Variants in VEPH1 observed in about 807,000 individuals in gnomAD.
VEPH1 encodes the protein ventricular zone-expressed PH domain-containing protein homolog 1.
VEPH1 carries 80 observed loss-of-function variants against 85.2 expected under a neutral mutation model. That is an observed-to-expected ratio of 0.94 (90% confidence interval 0.78 to 1.13). The LOEUF (loss-of-function observed/expected upper bound fraction) is 1.13, where lower values mean the gene tolerates loss of function less well. Ranked by LOEUF, VEPH1 falls within the 50% of genes most tolerant of loss-of-function variation. VEPH1 has a pLI of 0.00. For missense variants in VEPH1, 955 were observed against 980.5 expected, an observed-to-expected ratio of 0.97 and a Z score of 0.35; for synonymous variants, 297 against 348.0, an observed-to-expected ratio of 0.85 and a Z score of 1.63.
At chr3:157,396,448 A>G (rs759837774) in intron 6 of VEPH1, among the ~76,000 whole-genome samples, 6 of 152,200 alleles carry the variant, frequency 3.9e-5, no homozygotes, top group African/African-American at 7.2e-5. Context: ...TCCTTTGTGT[A>G]TATACCCAGT....
At chr3:157,338,837 G>A (rs1723222330) in intron 9 of VEPH1, among the ~76,000 whole-genome samples, 1 of 152,216 alleles carries the variant, frequency 6.6e-6, no homozygotes, top group African/African-American at 2.4e-5. Context: ...TATTAAGTCA[G>A]GTGCTGGGCA....
At chr3:157,312,934 T>TC (rs1206117511) in intron 11 of VEPH1, among the ~76,000 whole-genome samples, 2 of 132,598 alleles carry the variant, frequency 1.5e-5, no homozygotes, top group Admixed American at 1.7e-4. Context: ...AGATGGAGTC[T>TC]CGCTCTGTCG....
intron 9 of VEPH1, among the ~76,000 whole-genome samples, chr3:157,343,250 GA>G (rs1723795124): frequency 6.6e-6 from 1 of 151,962 alleles, no homozygotes; most frequent in Non-Finnish European, 1.5e-5. Flanking sequence ...CTGGTTTTTT[GA>G]AAAGATCAAC....
At chr3:157,433,089 G>T (rs939048119) in intron 4 of VEPH1, among the ~76,000 whole-genome samples, 4 of 152,106 alleles carry the variant, frequency 2.6e-5, no homozygotes, top group Non-Finnish European at 4.4e-5. Flanking sequence ...TCCAACAAAA[G>T]TTGCTCAGTT....
intron 7 of VEPH1, among the ~76,000 whole-genome samples, chr3:157,378,317 T>C (rs1728371851): frequency 1.3e-4 from 1 of 7,490 alleles, no homozygotes; most frequent in African/African-American, 5.0e-4. Context: ...TATATATATA[T>C]ATATATATAT....
chr3:157,343,488 A>G (rs1291666171), intron 9 of VEPH1, among the ~76,000 whole-genome samples: 6 of 152,242 alleles, frequency 3.9e-5, no homozygotes, highest in Non-Finnish European at 5.9e-5. Context: ...AAGGAGTTGA[A>G]TCCCTCAATA....
intron 11 of VEPH1, among the ~76,000 whole-genome samples, chr3:157,303,688 C>A (rs1250477192): frequency 6.6e-6 from 1 of 152,140 alleles, no homozygotes; most frequent in Admixed American, 6.5e-5. Flanking sequence ...GATTTGCAGT[C>A]TTCATTTAGT....
chr3:157,469,418 T>C (rs910181754), intron 3 of VEPH1, among the ~76,000 whole-genome samples: 1 of 152,168 alleles, frequency 6.6e-6, no homozygotes, highest in African/African-American at 2.4e-5. Context: ...CTGTGCTCAG[T>C]GGAACACAGG....
chr3:157,333,888 C>T (rs1331196447), intron 9 of VEPH1, among the ~76,000 whole-genome samples: 4 of 152,084 alleles, frequency 2.6e-5, no homozygotes, highest in African/African-American at 4.8e-5. Context: ...AGCCTAAGAT[C>T]ATGTATATGT....
At chr3:157,421,953 A>G (rs1732376093) in intron 5 of VEPH1, among the ~76,000 whole-genome samples, 1 of 152,120 alleles carries the variant, frequency 6.6e-6, no homozygotes, top group Non-Finnish European at 1.5e-5. Flanking sequence ...ACCTAGCAGA[A>G]TGTGAGTTCA....
rs529758720 is a variant in VEPH1, at chr3:157,385,462, A to G, written c.907-4086T>C. Among the ~76,000 whole-genome samples the G allele has an allele frequency of 2.3e-3, 356 of 152,242 alleles. 2 individuals carry two copies. The highest frequency in any genetic ancestry group is 3.0e-3 in the Non-Finnish European group (203 of 67,992). On this transcript the variant is annotated intron_variant, in intron 6 of 13. Transcript: ENST00000362010. Reference sequence around the variant, plus strand: ...CCAGAGTTTTTGTTATCTGGTTTATATCTATTGGTATTGGCCATATTGGAA... The same window carrying G: ...CCAGAGTTTTTGTTATCTGGTTTATGTCTATTGGTATTGGCCATATTGGAA...
intron 10 of VEPH1, among the ~76,000 whole-genome samples, chr3:157,315,412 A>G (rs1720641310): frequency 6.6e-6 from 1 of 152,084 alleles, no homozygotes; most frequent in Admixed American, 6.5e-5. Context: ...CCAATTTTTC[A>G]TTTAAACAAC....
chr3:157,331,605 C>A (rs1270558674), intron 9 of VEPH1, among the ~76,000 whole-genome samples: 1 of 152,190 alleles, frequency 6.6e-6, no homozygotes. Context: ...CCGCAGGACA[C>A]CTCTGGCCAG....
intron 9 of VEPH1, among the ~76,000 whole-genome samples, chr3:157,331,568 C>T (rs1461857331): frequency 6.6e-6 from 1 of 152,190 alleles, no homozygotes. Flanking sequence ...TTTAACTCTT[C>T]TTCCAACAGA....
rs141322370 is a variant in VEPH1, at chr3:157,442,628, A to T, written c.530-14140T>A. 402 of 1,614,204 alleles carry T rather than the reference A, an allele frequency of 2.5e-4. 2 individuals carry two copies. In the African/African-American group the frequency reaches 4.6e-3, roughly 18 times the overall value. Reference sequence around the variant, plus strand: ...TTGCTGAAGCCATGGTTTCCCTGGGAAGGTGGACCCACCTGTGCGGCACCT... The same window carrying T: ...TTGCTGAAGCCATGGTTTCCCTGGGTAGGTGGACCCACCTGTGCGGCACCT... On this transcript the variant is annotated intron_variant, in intron 4 of 13. Transcript: ENST00000362010.
intron 9 of VEPH1, among the ~76,000 whole-genome samples, chr3:157,347,803 A>T (rs1273472209): frequency 6.6e-6 from 1 of 152,216 alleles, no homozygotes. Flanking sequence ...AGAATCCTAC[A>T]GTCCTCTCAA....
At chr3:157,384,514 A>G (rs1190550532) in intron 6 of VEPH1, among the ~76,000 whole-genome samples, 1 of 152,176 alleles carries the variant, frequency 6.6e-6, no homozygotes, top group Non-Finnish European at 1.5e-5. Context: ...AATCCTTCTC[A>G]CTATAAAAAT....
chr3:157,423,378 T>C (rs1053261724), intron 5 of VEPH1, among the ~76,000 whole-genome samples: 2 of 152,214 alleles, frequency 1.3e-5, no homozygotes, highest in African/African-American at 2.4e-5. Flanking sequence ...CAGCACCATA[T>C]GGGTATTTGT....
At chr3:157,312,245 G>GGGCT (rs1010453029) in intron 11 of VEPH1, among the ~76,000 whole-genome samples, 5 of 152,088 alleles carry the variant, frequency 3.3e-5, no homozygotes, top group African/African-American at 1.2e-4. Flanking sequence ...ACTTATTACT[G>GGGCT]GGCTATCTAA....
Sources: allele counts gnomAD v4.1 joint callset (sites outside exome capture counted in the v4.1 genomes callset), GRCh38; gene constraint gnomAD v4.1.1; transcripts MANE v1.5; gene names NCBI Gene and HGNC (gene_info 2026-07-23, HGNC 2026-07-21).